The following CSMD1 variants were observed in gnomAD, a reference collection of about 807,000 sequenced individuals.
CSMD1 encodes the protein CUB and Sushi multiple domains 1, also known as CUB and sushi domain-containing protein 1.
A neutral mutation model predicts 417.5 loss-of-function variants in CSMD1; 213 were observed. The ratio of observed to expected loss-of-function variants is 0.51; its 90% CI spans 0.46 to 0.57. CSMD1 has a LOEUF of 0.57. Ranked by LOEUF, CSMD1 falls within the 20% of genes least tolerant of loss-of-function variation. The pLI is 0.00. For missense variants in CSMD1, 6,923 were observed against 4,529.7 expected, an observed-to-expected ratio of 1.53 and a Z score of -15.17; for synonymous variants, 2,862 against 1,736.8, an observed-to-expected ratio of 1.65 and a Z score of -16.11.
At chr8:4,224,882 G>C (rs1208768702) in intron 3 of CSMD1, among the ~76,000 whole-genome samples, 1 of 139,100 alleles carries the variant, frequency 7.2e-6, no homozygotes, top group Non-Finnish European at 1.5e-5. Context: ...TACCAAGGCA[G>C]GTGGATCATT....
intron 25 of CSMD1, among the ~76,000 whole-genome samples, chr8:3,292,604 T>A (rs1224076031): frequency 6.6e-6 from 1 of 152,176 alleles, no homozygotes; most frequent in Non-Finnish European, 1.5e-5. Context: ...TCTCTTTTGA[T>A]CTTTGTTGGT....
intron 3 of CSMD1, among the ~76,000 whole-genome samples, chr8:4,363,396 A>C (rs538020990): frequency 6.6e-6 from 1 of 151,292 alleles, no homozygotes; most frequent in Admixed American, 6.5e-5. Context: ...TAAGAGGGAT[A>C]AAAAAATGTT....
intron 5 of CSMD1, among the ~76,000 whole-genome samples, chr8:3,893,325 T>C (rs1424179835): frequency 1.9e-5 from 1 of 53,478 alleles, no homozygotes; most frequent in East Asian, 6.1e-4. Flanking sequence ...CCCAAACTAA[T>C]AATATTCACA....
chr8:3,813,706 A>C lies in CSMD1; in HGVS notation c.819-59664T>G, dbSNP rs549970072. Among the ~76,000 whole-genome samples, 3 of 150,986 alleles carry C rather than the reference A, an allele frequency of 2.0e-5. No individual in the cohort carries two copies. In the East Asian group the frequency reaches 5.8e-4, roughly 29 times the overall value. ...TGTACTTTCCAATATTCAACTATTC[A>C]CTCCTCCTATACCAAATGGTCCATG... On this transcript the variant is annotated intron_variant, in intron 5 of 69. Transcript: ENST00000635120.
chr8:3,097,109 C>CTA, intron 46 of CSMD1, 72 bp from the exon 47 acceptor site: 6 of 1,213,944 alleles, frequency 4.9e-6, no homozygotes, highest in Non-Finnish European at 6.7e-6. Context: ...AGTTTCTATC[C>CTA]CTGTATAAAC....
At chr8:4,894,439 G>T (rs1209617879) in intron 1 of CSMD1, among the ~76,000 whole-genome samples, 1 of 151,378 alleles carries the variant, frequency 6.6e-6, no homozygotes, top group Non-Finnish European at 1.5e-5. Context: ...TGCTTTAAGA[G>T]CTGCTTGGGA....
At chr8:4,667,208 T>A (rs1351197464) in intron 1 of CSMD1, among the ~76,000 whole-genome samples, 1 of 152,178 alleles carries the variant, frequency 6.6e-6, no homozygotes, top group Admixed American at 6.5e-5. Flanking sequence ...ATAGATTATA[T>A]CTATCTATCT....
intron 27 of CSMD1, 116 bp downstream of exon 27, chr8:3,229,924 C>G (rs1328575206): frequency 1.4e-6 from 1 of 736,954 alleles, no homozygotes; most frequent in African/African-American, 1.8e-5. Context: ...AGCCAGAGAA[C>G]ATGAAAGAAA....
At chr8:4,221,447 G>C (rs551573221) in intron 3 of CSMD1, among the ~76,000 whole-genome samples, 1 of 151,756 alleles carries the variant, frequency 6.6e-6, no homozygotes, top group African/African-American at 2.4e-5. Flanking sequence ...CAGACAACTG[G>C]AACTGACTTA....
At chr8:4,098,942 A>C (rs1032229162) in intron 3 of CSMD1, among the ~76,000 whole-genome samples, 1 of 152,212 alleles carries the variant, frequency 6.6e-6, no homozygotes, top group Non-Finnish European at 1.5e-5. Flanking sequence ...CACAGAAAAA[A>C]TGTTAAAACT....
At chr8:3,876,503 G>A (rs1023507068) in intron 5 of CSMD1, among the ~76,000 whole-genome samples, 1 of 152,176 alleles carries the variant, frequency 6.6e-6, no homozygotes, top group African/African-American at 2.4e-5. Flanking sequence ...AAGTGTGTAA[G>A]TGTGGATGTA....
At chr8:3,307,482 C>T (rs1309160684) in intron 25 of CSMD1, among the ~76,000 whole-genome samples, 2 of 152,172 alleles carry the variant, frequency 1.3e-5, no homozygotes, top group Non-Finnish European at 2.9e-5. Context: ...GATACACTCT[C>T]ATTTTGGCTT....
At chr8:4,927,617 C>T (rs1218871145) in intron 1 of CSMD1, among the ~76,000 whole-genome samples, 3 of 152,096 alleles carry the variant, frequency 2.0e-5, no homozygotes, top group South Asian at 2.1e-4. Context: ...CCTAAACTGA[C>T]GAAAGACAAC....
intron 12 of CSMD1, among the ~76,000 whole-genome samples, chr8:3,420,050 G>T (rs1016474615): frequency 7.2e-5 from 11 of 152,010 alleles, no homozygotes; most frequent in Admixed American, 7.2e-4. Flanking sequence ...AGAGCCCAGG[G>T]TATATTAAGT....
rs1171193379 is a variant in CSMD1, at chr8:3,225,890, T to C, written c.4346-2023A>G. The stretch of plus-strand genomic sequence containing the variant: ...GGATTAGAATAGTAAAAAATGCAAC[T>C]CAGAGATGCTAGCAAATTCTCCAGA... On this transcript the variant is annotated intron_variant, in intron 27 of 69. Transcript: ENST00000635120. Among the ~76,000 whole-genome samples the C allele has an allele frequency of 9.8e-5, 15 of 152,296 alleles. No individual in the cohort carries two copies. The East Asian group carries it at 2.7e-3, about 27-fold the overall frequency.
At chr8:4,946,560 T>G (rs1808382153) in intron 1 of CSMD1, among the ~76,000 whole-genome samples, 1 of 152,200 alleles carries the variant, frequency 6.6e-6, no homozygotes, top group Non-Finnish European at 1.5e-5. Flanking sequence ...TGAAGGATTC[T>G]GACTCTGTAT....
chr8:3,989,918 A>G (rs557923627), intron 5 of CSMD1, among the ~76,000 whole-genome samples: 7 of 152,348 alleles, frequency 4.6e-5, no homozygotes, highest in African/African-American at 1.7e-4. Flanking sequence ...GCAAACTTTC[A>G]TAAGAAAGAG....
intron 1 of CSMD1, among the ~76,000 whole-genome samples, chr8:4,940,221 G>C (rs1271392250): frequency 2.0e-5 from 3 of 152,152 alleles, no homozygotes; most frequent in African/African-American, 4.8e-5. Context: ...CCTAGTCAAA[G>C]CGTATTTGAG....
chr8:3,850,191 G>C (rs1000549241), intron 5 of CSMD1, among the ~76,000 whole-genome samples: 2 of 152,226 alleles, frequency 1.3e-5, no homozygotes, highest in Admixed American at 6.5e-5. Flanking sequence ...CAAATTTTGA[G>C]ACTGTTTACA....
Sources: gnomAD v4.1 joint callset for allele counts (sites outside exome capture counted in the v4.1 genomes callset) on GRCh38, gnomAD v4.1.1 for gene constraint, MANE v1.5 for transcripts, NCBI Gene and HGNC (gene_info 2026-07-23, HGNC 2026-07-21) for gene names.